The following KAZN variants were observed in gnomAD, a reference collection of about 807,000 sequenced individuals.
The protein encoded by KAZN is kazrin.
A neutral mutation model predicts 87.4 loss-of-function variants in KAZN; 40 were observed. The ratio of observed to expected loss-of-function variants is 0.46; its 90% CI spans 0.36 to 0.60. The LOEUF (loss-of-function observed/expected upper bound fraction) is 0.60, where lower values mean the gene tolerates loss of function less well. Among genes scored for constraint, KAZN ranks in the 20% least tolerant of loss-of-function variants. The pLI, the probability that KAZN is intolerant of heterozygous loss-of-function variation, is 0.00. For missense variants in KAZN, 898 were observed against 1,073.9 expected, an observed-to-expected ratio of 0.84 and a Z score of 2.29; for synonymous variants, 466 against 458.3, an observed-to-expected ratio of 1.02 and a Z score of -0.22.
chr1:13,950,231 C>G (rs1226034728), intron 1 of KAZN, among the ~76,000 whole-genome samples: 4 of 151,466 alleles, frequency 2.6e-5, no homozygotes, highest in Admixed American at 1.3e-4. Context: ...GATGGTCCTG[C>G]ACAATGCTTC....
chr1:14,482,773 G>A (rs1203490878), intron 2 of KAZN, among the ~76,000 whole-genome samples: 3 of 152,118 alleles, frequency 2.0e-5, no homozygotes, highest in Non-Finnish European at 4.4e-5. Flanking sequence ...GAGGGTGCGG[G>A]AGAGTGGGCT....
At chr1:14,977,883 C>CTTTT (rs34375176) in intron 2 of KAZN, among the ~76,000 whole-genome samples, 3 of 91,114 alleles carry the variant, frequency 3.3e-5, no homozygotes, top group African/African-American at 5.5e-5. Flanking sequence ...GGGTGCACGT[C>CTTTT]TTTTTTTTTT....
chr1:14,819,663 C>G (rs959166479), intron 1 of KAZN, among the ~76,000 whole-genome samples: 1 of 150,762 alleles, frequency 6.6e-6, no homozygotes, highest in African/African-American at 2.4e-5. Context: ...TTCAGACTTG[C>G]GAGTCCCCAC....
chr1:14,581,195 G>A lies in KAZN; in HGVS notation c.250-17788G>A, dbSNP rs188734203. Among the ~76,000 whole-genome samples the A allele has an allele frequency of 2.0e-3, 309 of 152,180 alleles. 1 individual carries two copies. The highest frequency in any genetic ancestry group is 6.1e-3 in the African/African-American group (254 of 41,516). On this transcript the variant is annotated intron_variant, in intron 2 of 16. Transcript: ENST00000636203. ...ATATTGCCATTTGGATGTCTAACAC[G>A]CATCTCAAAATCAGCATACACTCTA...
intron 2 of KAZN, among the ~76,000 whole-genome samples, chr1:14,342,660 A>G (rs1571344139): frequency 6.6e-6 from 1 of 152,348 alleles, no homozygotes; most frequent in African/African-American, 2.4e-5. Context: ...GAAACAATAA[A>G]AAAGAAAGGG....
Position 15,082,022 on chromosome 1 carries a change from T to C in KAZN, c.1223-12158T>C, listed in dbSNP as rs1158133272. 4.6e-5 allele frequency among the ~76,000 whole-genome samples: 7 copies of C among 152,042 alleles called. No individual in the cohort carries two copies. In the East Asian group the frequency reaches 1.2e-3, roughly 25 times the overall value. ...CAGCTGGAGTGCTCCAGATAGGAGA[T>C]GGTGGAGCCAACTGAGACAGGGGAC... On this transcript the variant is annotated intron_variant, in intron 8 of 14. Coordinates refer to ENST00000376030, the MANE Select transcript of KAZN (RefSeq NM_201628.3).
chr1:14,132,632 C>A lies in KAZN; in HGVS notation c.92-47803C>A, dbSNP rs867840123. Among the ~76,000 whole-genome samples, 3 of 152,194 alleles carry A rather than the reference C, an allele frequency of 2.0e-5. No individual in the cohort carries two copies. In the East Asian group the frequency reaches 5.8e-4, roughly 29 times the overall value. ...AAGAATGCATGCTGGAGAGCAAAAT[C>A]AACAAGCATTCACTATACCACTGTT... On this transcript the variant is annotated intron_variant, in intron 1 of 16. Transcript: ENST00000636203.
chr1:14,202,845 C>T lies in KAZN; in HGVS notation c.249+22253C>T, dbSNP rs146296818. Among the ~76,000 whole-genome samples the T allele has an allele frequency of 6.8e-3, 1,039 of 152,044 alleles. 15 individuals are homozygous for T. The highest frequency in any genetic ancestry group is 0.024 in the African/African-American group (977 of 41,466). On this transcript the variant is annotated intron_variant, in intron 2 of 16. Transcript: ENST00000636203. Reference sequence around the variant, plus strand: ...CAGCCTGGCCAACATGCCAAAATCCCGTCTCTACTAAACATATAAAAAGTT... The same window carrying T: ...CAGCCTGGCCAACATGCCAAAATCCTGTCTCTACTAAACATATAAAAAGTT...
intron 2 of KAZN, among the ~76,000 whole-genome samples, chr1:15,010,874 G>A (rs1197669666): frequency 6.6e-6 from 1 of 152,122 alleles, no homozygotes; most frequent in African/African-American, 2.4e-5. Flanking sequence ...ATTCAAAAAC[G>A]AAAGCTGGGT....
intron 1 of KAZN, among the ~76,000 whole-genome samples, chr1:14,911,482 C>G (rs567225100): frequency 1.3e-5 from 2 of 152,342 alleles, no homozygotes; most frequent in East Asian, 3.9e-4. Context: ...CCTCCCAGCT[C>G]CGGCATCCTG....
chr1:14,275,312 T>TA (rs1459220881), intron 2 of KAZN, among the ~76,000 whole-genome samples: 2 of 152,132 alleles, frequency 1.3e-5, no homozygotes, highest in African/African-American at 4.8e-5. Context: ...TTATTAGAAA[T>TA]ACAGATTCTT....
chr1:15,100,801 C>T (rs906961834), intron 10 of KAZN, among the ~76,000 whole-genome samples: 2 of 152,218 alleles, frequency 1.3e-5, no homozygotes, highest in African/African-American at 2.4e-5. Flanking sequence ...ATCTGCAGAG[C>T]GAGGACGGCA....
intron 2 of KAZN, among the ~76,000 whole-genome samples, chr1:14,579,635 TAA>T (rs1187739247): frequency 8.0e-6 from 1 of 124,576 alleles, no homozygotes; most frequent in African/African-American, 3.0e-5. Context: ...AAAAAAAAAT[TAA>T]AAAAAAAAAA....
At chr1:13,899,032 C>T (rs952145845) in intron 1 of KAZN, among the ~76,000 whole-genome samples, 6 of 152,236 alleles carry the variant, frequency 3.9e-5, no homozygotes, top group African/African-American at 7.2e-5. Flanking sequence ...CCTGTCATTC[C>T]GTCCATGGGA....
At chr1:14,403,688 C>G (rs1177370995) in intron 2 of KAZN, among the ~76,000 whole-genome samples, 1 of 152,162 alleles carries the variant, frequency 6.6e-6, no homozygotes, top group African/African-American at 2.4e-5. Context: ...ACCTCACTCA[C>G]AGTCTGGAAC....
chr1:14,828,835 A>T (rs1441425735), intron 1 of KAZN, among the ~76,000 whole-genome samples: 1 of 152,192 alleles, frequency 6.6e-6, no homozygotes, highest in African/African-American at 2.4e-5. Flanking sequence ...CTTCATGGTC[A>T]CAAGATGGCT....
intron 2 of KAZN, among the ~76,000 whole-genome samples, chr1:14,473,294 G>A (rs1176829715): frequency 2.6e-5 from 4 of 152,086 alleles, no homozygotes; most frequent in Non-Finnish European, 5.9e-5. Context: ...AATTTAAATG[G>A]GTAGCTTATA....
intron 10 of KAZN, among the ~76,000 whole-genome samples, chr1:15,097,759 A>T (rs1262473300): frequency 6.6e-6 from 1 of 152,204 alleles, no homozygotes; most frequent in African/African-American, 2.4e-5. Context: ...CGGAGGTTGC[A>T]GTGAGCCGAG....
chr1:14,423,609 T>G (rs1446715641), intron 2 of KAZN, among the ~76,000 whole-genome samples: 1 of 152,126 alleles, frequency 6.6e-6, no homozygotes, highest in Non-Finnish European at 1.5e-5. Context: ...TTACTATGGA[T>G]CAAGCACTAC....
Sources: gnomAD v4.1 joint callset for allele counts (sites outside exome capture counted in the v4.1 genomes callset) on GRCh38, gnomAD v4.1.1 for gene constraint, MANE v1.5 for transcripts, NCBI Gene and HGNC (gene_info 2026-07-23, HGNC 2026-07-21) for gene names.